Variants in BBS5 observed in about 807,000 individuals in gnomAD.
BBS5 encodes BBSome complex member BBS5.
A neutral mutation model predicts 50.2 loss-of-function variants in BBS5; 39 were observed. The observed-to-expected ratio is 0.78, with a 90% CI of 0.60 to 1.01. BBS5 has a LOEUF of 1.01. Among genes scored for constraint, BBS5 ranks in the 50% least tolerant of loss-of-function variants. The pLI, the probability that BBS5 is intolerant of heterozygous loss-of-function variation, is 0.00. For missense variants in BBS5, 356 were observed against 401.5 expected (o/e 0.89, Z 0.97); for synonymous variants, 134 against 133.1 (o/e 1.01, Z -0.05).
At chr2:169,492,111 A>G (rs1162299739) in intron 5 of BBS5, among the ~76,000 whole-genome samples, 1 of 152,114 alleles carries the variant, frequency 6.6e-6, no homozygotes, top group East Asian at 1.9e-4. Context: ...AAAAGTATTA[A>G]TAATTGGACG....
chr2:169,486,232 G>A (rs751127918), intron 2 of BBS5, among the ~76,000 whole-genome samples: 1 of 152,108 alleles, frequency 6.6e-6, no homozygotes, highest in African/African-American at 2.4e-5. Context: ...GTATGACCTG[G>A]CTGGCTATAG....
chr2:169,499,421 T>A (rs1471300332), intron 8 of BBS5, 65 bp from the exon 9 acceptor site: 1 of 1,492,494 alleles, frequency 6.7e-7, no homozygotes, highest in African/African-American at 1.4e-5. Context: ...CTATAATTTA[T>A]CTTATACTAT....
At chr2:169,493,589 G>A (rs917152338) in intron 6 of BBS5, 152 bp from the exon 7 acceptor site, 8 of 671,502 alleles carry the variant, frequency 1.2e-5, no homozygotes, top group South Asian at 6.7e-5. Context: ...GCTGTCACTC[G>A]TCTAATTGTA....
intron 1 of BBS5, among the ~76,000 whole-genome samples, chr2:169,480,139 G>A (rs11895864): frequency 0.084 from 12,710 of 152,172 alleles, 575 homozygotes; most frequent in Middle Eastern, 0.12. Flanking sequence ...ATTACTAACC[G>A]CGCAAACTTT....
chr2:169,496,402 A>G (rs573599803), intron 7 of BBS5, among the ~76,000 whole-genome samples: 1 of 152,260 alleles, frequency 6.6e-6, no homozygotes, highest in African/African-American at 2.4e-5. Flanking sequence ...TAAAACTTAA[A>G]TATTTTATAT....
At position 169,504,541 on chromosome 2, in the gene BBS5, G is replaced by A. The variant is rs375373534; in HGVS notation, c.985G>A (p.Asp329Asn). Residue 329 changes from aspartate (D) to asparagine (N), a missense_variant, in exon 12 of 12, where the codon GAT becomes AAT. Transcript: ENST00000295240. ...ELGLAIEKLK[D>N]GFTLQGLWEV... The stretch of plus-strand genomic sequence containing the variant: ...GGGGCTTGCAATAGAGAAATTGAAG[G>A]ATGGATTCACCCTACAGGGACTTTG... 3.7e-6 allele frequency: 6 copies of A among 1,613,914 alleles called. No homozygotes were observed. The highest frequency in any genetic ancestry group is 4.2e-6 in the Non-Finnish European group (5 of 1,179,932).
intron 5 of BBS5, among the ~76,000 whole-genome samples, chr2:169,488,511 C>T (rs1683526868): frequency 2.0e-5 from 3 of 152,222 alleles, no homozygotes; most frequent in Non-Finnish European, 4.4e-5. Flanking sequence ...GCTGATCTGA[C>T]AGGAGGCAGA....
chr2:169,503,188 A>T lies in BBS5; in HGVS notation c.900+10A>T, dbSNP rs1403080115. On this transcript the variant is annotated intron_variant, in intron 10 of 11. Coordinates refer to ENST00000295240, the MANE Select transcript of BBS5 (RefSeq NM_152384.3). Reference sequence around the variant, plus strand: ...CACGGATGCTTTTGTGGTGAGCATCACAAAGGACAGCATTAAATTTCTTAA... The same window carrying T: ...CACGGATGCTTTTGTGGTGAGCATCTCAAAGGACAGCATTAAATTTCTTAA... 1 of 1,593,780 alleles carries T rather than the reference A, an allele frequency of 6.3e-7. No individual in the cohort carries two copies.
intron 1 of BBS5, among the ~76,000 whole-genome samples, chr2:169,481,757 A>G (rs887139452): frequency 1.3e-5 from 2 of 152,022 alleles, no homozygotes; most frequent in Non-Finnish European, 2.9e-5. Flanking sequence ...TTCCTTCTAT[A>G]ATTTCCTGAT....
rs558611620 is a variant in BBS5 at position 169,490,254 on chromosome 2, G to A, written c.386+2140G>A. On this transcript the variant is annotated intron_variant, in intron 5 of 11. Transcript: ENST00000295240. ...GTCGCCCAGGCTGGAGTGCAGTGGCGCGATGGTCGGCTCACTGCAAGCTCC... is the reference window on the plus strand; with the variant it reads ...GTCGCCCAGGCTGGAGTGCAGTGGCACGATGGTCGGCTCACTGCAAGCTCC... 5.9e-5 allele frequency among the ~76,000 whole-genome samples: 8 copies of A among 136,558 alleles called. No individual in the cohort carries two copies. The South Asian group carries it at 7.1e-4, about 12-fold the overall frequency. The allele number at this position is 136,558 out of a possible 152,430, so 89.6% of individuals were successfully genotyped here. A position where few individuals can be genotyped will look rare whatever the true frequency, so the allele number is the denominator to read the frequency against.
At chr2:169,490,778 A>C (rs967912307) in intron 5 of BBS5, among the ~76,000 whole-genome samples, 3 of 152,160 alleles carry the variant, frequency 2.0e-5, no homozygotes, top group African/African-American at 7.2e-5. Flanking sequence ...CATCACTCCC[A>C]AAATAAATCC....
At chr2:169,500,719 A>G (rs1683786724) in intron 9 of BBS5, among the ~76,000 whole-genome samples, 1 of 152,002 alleles carries the variant, frequency 6.6e-6, no homozygotes, top group African/African-American at 2.4e-5. Flanking sequence ...CTCCCTGTCG[A>G]ATTCCATATA....
At position 169,488,088 on chromosome 2, in the gene BBS5, T is replaced by G; in HGVS notation, c.360T>G (p.Leu120=). ...FTNLVPGSPR[L]FTSVMAVHRA... ...ATTTGGTTCCTGGAAGCCCTAGACT[T>G]TTTACTTCTGTGATGGCAGTACACA... The change falls in exon 5 of 12, where the codon CTT becomes CTG. Residue 120 remains leucine, a synonymous_variant. Coordinates refer to ENST00000295240, the MANE Select transcript of BBS5 (RefSeq NM_152384.3). The G allele has an allele frequency of 6.2e-7, 1 of 1,613,394 alleles. No homozygotes were observed. Among genetic ancestry groups the G allele is most frequent in the Non-Finnish European group, 8.5e-7 (1 of 1,179,478 alleles).
At chr2:169,493,471 T>A (rs1683638929) in intron 6 of BBS5, among the ~76,000 whole-genome samples, 1 of 152,194 alleles carries the variant, frequency 6.6e-6, no homozygotes, top group African/African-American at 2.4e-5. Flanking sequence ...TTTAATCAGA[T>A]CTCCATTTTA....
At chr2:169,484,843 G>C (rs1683462466) in intron 2 of BBS5, among the ~76,000 whole-genome samples, 1 of 152,152 alleles carries the variant, frequency 6.6e-6, no homozygotes, top group Non-Finnish European at 1.5e-5. Flanking sequence ...GAATAAAAGG[G>C]ACAGCCATAT....
chr2:169,490,142 C>G (rs1199833345), intron 5 of BBS5, among the ~76,000 whole-genome samples: 1 of 146,518 alleles, frequency 6.8e-6, no homozygotes, highest in African/African-American at 2.5e-5. Flanking sequence ...CCCAAAGGGC[C>G]GGGATTACAG....
chr2:169,486,688 A>G (rs575756260), intron 2 of BBS5, among the ~76,000 whole-genome samples: 1 of 152,180 alleles, frequency 6.6e-6, no homozygotes. Flanking sequence ...GAAAAGTGTG[A>G]TTTCAGTGAA....
At chr2:169,482,512 G>A (rs192618909) in intron 2 of BBS5, 179 bp downstream of exon 2, 11 of 586,944 alleles carry the variant, frequency 1.9e-5, no homozygotes, top group African/African-American at 1.7e-4. Flanking sequence ...TATTAAACAT[G>A]TAGTTTGGTC....
intron 5 of BBS5, among the ~76,000 whole-genome samples, chr2:169,489,892 T>A (rs1441041411): frequency 3.3e-5 from 3 of 91,776 alleles, no homozygotes; most frequent in Non-Finnish European, 6.3e-5. Context: ...TTTTTTTTTT[T>A]AGAGACAGAG....
Sources: gnomAD v4.1 joint callset for allele counts (sites outside exome capture counted in the v4.1 genomes callset) on GRCh38, gnomAD v4.1.1 for gene constraint, MANE v1.5 for transcripts, NCBI Gene and HGNC (gene_info 2026-07-23, HGNC 2026-07-21) for gene names.